ITIH1: variants seen among roughly 807,000 people sequenced by gnomAD.
ITIH1 encodes inter-alpha-trypsin inhibitor heavy chain H1.
A neutral mutation model predicts 104.6 loss-of-function variants in ITIH1; 94 were observed. The ratio of observed to expected loss-of-function variants is 0.90; its 90% confidence interval spans 0.76 to 1.07. The LOEUF (loss-of-function observed/expected upper bound fraction) is 1.07. Ranked by LOEUF, ITIH1 falls within the 50% of genes least tolerant of loss-of-function variation. The pLI is 0.00. For missense variants in ITIH1, 1,193 were observed against 1,181.4 expected (o/e 1.01, Z -0.14); for synonymous variants, 455 against 464.4 (o/e 0.98, Z 0.26).
In ITIH1 at chr3:52,779,523, C is replaced by G. The variant is rs1244561216; in HGVS notation, c.502C>G (p.Leu168Val). The G allele has an allele frequency of 6.2e-7, 1 of 1,614,208 alleles. No individual in the cohort carries two copies. The highest frequency in any genetic ancestry group is 1.1e-5 in the South Asian group (1 of 91,084). ...GTTTCAGCTGACTTATGAGGAAGTG[C>G]TGAAGAGAAACCATATGCAGTATGA... ...VTFQLTYEEV[L>V]KRNHMQYEIV... The change falls in exon 5 of 22, where the codon CTG becomes GTG. Residue 168 changes from leucine (L) to valine (V), a missense_variant. By Grantham distance (32) the Leu-to-Val change is conservative (BLOSUM62 1). Coordinates refer to ENST00000273283, the MANE Select transcript of ITIH1 (RefSeq NM_002215.4). This position sits in a 1 kb window ranked among gnomAD's most constrained non-coding sequence, Gnocchi z 4.4.
Position 52,789,670 on chromosome 3 carries a change from C to CAGCT in ITIH1, c.2138_2141dup (p.Ile715AlafsTer13). On this transcript the variant is annotated frameshift_variant, in exon 19 of 22. Coordinates refer to ENST00000273283, the MANE Select transcript of ITIH1 (RefSeq NM_002215.4). LOFTEE classifies it high-confidence loss of function. ...CATTGCAGGCTTCTCAGTGAATGGACAGCTCATTGGCAACAAGGCCAGGAG... is the reference window on the plus strand; with the variant it reads ...CATTGCAGGCTTCTCAGTGAATGGACAGCTAGCTCATTGGCAACAAGGCCAGGAG... 1 of 1,614,198 alleles carries CAGCT rather than the reference C, an allele frequency of 6.2e-7. No homozygotes were observed. The highest frequency in any genetic ancestry group is 2.2e-5 in the East Asian group (1 of 44,884).
Position 52,781,519 on chromosome 3 carries a change from A to G in ITIH1, c.688-421A>G, listed in dbSNP as rs1158510253. On this transcript the variant is annotated intron_variant, in intron 6 of 21. Coordinates refer to ENST00000273283, the MANE Select transcript of ITIH1 (RefSeq NM_002215.4). ...ACTAGCTTCCCCAAGCACATCACCA[A>G]CTCCAACCAGACCTCAGCTTCCATT... 7.3e-5 allele frequency among the ~76,000 whole-genome samples: 11 copies of G among 151,586 alleles called. No individual in the cohort carries two copies. The South Asian group carries it at 2.1e-3, about 29-fold the overall frequency.
intron 9 of ITIH1, 44 bp downstream of exon 9, chr3:52,783,169 C>T (rs967251927): frequency 1.7e-5 from 27 of 1,613,908 alleles, no homozygotes; most frequent in Non-Finnish European, 2.2e-5. Context: ...ACCTCTGTCC[C>T]CTCAGAATGA....
Position 52,783,323 on chromosome 3 carries a change from T to G in ITIH1, c.1209T>G (p.Asp403Glu). ...CCTCAATACTCATCATGTTGACAGA[T>G]GGCGATCCCACAGAGGGTAAGCACC... ...NHASILIMLTDGDPTEGVTDR... is the reference protein window; with the variant it reads ...NHASILIMLTEGDPTEGVTDR... Residue 403 changes from aspartate (D) to glutamate (E), a missense_variant, in exon 10 of 22, where the codon GAT becomes GAG. Transcript: ENST00000273283. 1.2e-6 allele frequency: 2 copies of G among 1,614,074 alleles called. No homozygotes were observed. Among genetic ancestry groups the G allele is most frequent in the Non-Finnish European group, 1.7e-6 (2 of 1,180,020 alleles).
At chr3:52,783,704 T>C (rs1041102145) in intron 10 of ITIH1, among the ~76,000 whole-genome samples, 1 of 152,094 alleles carries the variant, frequency 6.6e-6, no homozygotes. Context: ...GACATATTTC[T>C]GCCCTCAAAG....
chr3:52,778,535 C>A, intron 3 of ITIH1, 29 bp downstream of exon 3: 1 of 1,612,030 alleles, frequency 6.2e-7, no homozygotes, highest in Non-Finnish European at 8.5e-7. Context: ...CCCATGCCTT[C>A]TCCCAGGGGT....
In ITIH1 at chr3:52,786,815, C is replaced by T; in HGVS notation, c.1734-130C>T. ...AGGATGTAGCCACTGCATAGGACAC[C>T]ATGGGGGCTTAATACTTATGTGTCG... On this transcript the variant is annotated intron_variant, in intron 13 of 21. Coordinates refer to ENST00000273283, the MANE Select transcript of ITIH1 (RefSeq NM_002215.4). The T allele has an allele frequency of 1.2e-5, 13 of 1,090,624 alleles. No homozygotes were observed. The South Asian group carries it at 2.1e-4, about 18-fold the overall frequency. The allele number at this position is 1,090,624 out of a possible 1,614,324, so 67.6% of individuals were successfully genotyped here. A position where few individuals can be genotyped will look rare whatever the true frequency, so the allele number is the denominator to read the frequency against.
intron 2 of ITIH1, 127 bp from the exon 3 acceptor site, chr3:52,778,213 T>C (rs953755595): frequency 1.8e-6 from 2 of 1,138,108 alleles, no homozygotes; most frequent in African/African-American, 3.0e-5. Context: ...GGGGTCTTCC[T>C]GCGGTCTGTT....
At chr3:52,788,813 G>A (rs1173123251) in intron 18 of ITIH1, among the ~76,000 whole-genome samples, 2 of 152,088 alleles carry the variant, frequency 1.3e-5, no homozygotes, top group African/African-American at 2.4e-5. Context: ...CGTCCACCTC[G>A]GCCTCCCAAA....
chr3:52,791,682 C>A, intron 21 of ITIH1, 54 bp downstream of exon 21: 1 of 1,609,198 alleles, frequency 6.2e-7, no homozygotes, highest in Non-Finnish European at 8.5e-7. Context: ...GTAGTTCTTC[C>A]AGGTCTTCCT....
rs745345137 is a variant in ITIH1 at position 52,787,213 on chromosome 3, A to G, written c.1903+11A>G. ...ATTCTCCGCCTTTGGGTGAGTTTTA[A>G]ATTGCATTAGTTTCAGTTCTGGGCT... On this transcript the variant is annotated intron_variant, in intron 15 of 21. Transcript: ENST00000273283. 1.2e-6 allele frequency: 2 copies of G among 1,613,774 alleles called. No individual in the cohort carries two copies. Among genetic ancestry groups the G allele is most frequent in the Non-Finnish European group, 1.7e-6 (2 of 1,180,002 alleles).
chr3:52,787,048 G>C lies in ITIH1; in HGVS notation c.1837G>C (p.Gly613Arg). 1.2e-6 allele frequency: 2 copies of C among 1,614,162 alleles called. No homozygotes were observed. Among genetic ancestry groups the C allele is most frequent in the Non-Finnish European group, 1.7e-6 (2 of 1,180,022 alleles). Residue 613 changes from glycine (G) to arginine (R), a missense_variant, in exon 14 of 22, where the codon GGC becomes CGC. Coordinates refer to ENST00000273283, the MANE Select transcript of ITIH1 (RefSeq NM_002215.4). ...VTPLTSMSIR[G>R]MADQDGLKPT... ...CCCACTGACCTCCATGAGCATCAGG[G>C]GCATGGCGGACCAGGACGGCCTGAA...
At chr3:52,778,210 T>C (rs2154108084) in intron 2 of ITIH1, 130 bp from the exon 3 acceptor site, 1 of 1,124,098 alleles carries the variant, frequency 8.9e-7, no homozygotes, top group Non-Finnish European at 1.3e-6. Context: ...GCAGGGGTCT[T>C]CCTGCGGTCT....
At position 52,778,395 on chromosome 3, in the gene ITIH1, G is replaced by A. The variant is rs773235547; in HGVS notation, c.194G>A (p.Arg65His). The change falls in exon 3 of 22, where the codon CGC (arginine) becomes CAC (histidine). Residue 65 changes from arginine to histidine, a missense_variant. Coordinates refer to ENST00000273283, the MANE Select transcript of ITIH1 (RefSeq NM_002215.4). ...AAAGTCAACTGCAAAGTCACCTCTC[G>A]CTTCGCCCACTATGTTGTCACCAGC... The part of the protein sequence containing the change: ...SLKVNCKVTS[R>H]FAHYVVTSQV... The A allele has an allele frequency of 1.9e-5, 30 of 1,614,062 alleles. No individual in the cohort carries two copies. Among genetic ancestry groups the A allele is most frequent in the East Asian group, 4.5e-5 (2 of 44,898 alleles).
chr3:52,785,914 G>C (rs973393441), intron 12 of ITIH1, among the ~76,000 whole-genome samples: 8 of 152,252 alleles, frequency 5.3e-5, no homozygotes, highest in Non-Finnish European at 1.0e-4. Flanking sequence ...TGGTGCCCCG[G>C]TTAATGTAGC....
In ITIH1 at chr3:52,778,936, C is replaced by T. The variant is rs1447528419; in HGVS notation, c.306-6C>T. 3.7e-6 allele frequency: 6 copies of T among 1,602,894 alleles called. No homozygotes were observed. Among genetic ancestry groups the T allele is most frequent in the Non-Finnish European group, 4.3e-6 (5 of 1,169,898 alleles). On this transcript the variant is annotated splice_polypyrimidine_tract_variant and splice_region_variant and intron_variant, in intron 3 of 21. Transcript: ENST00000273283. ...CTTTCCTGAGGGTGTCCTTCCCTCC[C>T]TGCAGTACAGCAGATGGAAACGCAT...
In ITIH1 at chr3:52,790,841, G is replaced by A. The variant is rs1699335097; in HGVS notation, c.2414G>A (p.Gly805Glu). Residue 805 changes from glycine to glutamate, a missense_variant, in exon 20 of 22, where the codon GGG becomes GAG. Physicochemically the swap from Gly to Glu is moderately conservative, Grantham distance 98. Transcript: ENST00000273283. ...GTTGTTTTGCACCGAGTGTGGAAGG[G>A]GAGCTCGGTCCACCAGGACTTCCTG... ...FEVVLHRVWK[G>E]SSVHQDFLGF... 2.5e-6 allele frequency: 4 copies of A among 1,613,056 alleles called. No homozygotes were observed. Among genetic ancestry groups the A allele is most frequent in the Non-Finnish European group, 3.4e-6 (4 of 1,179,600 alleles).
Position 52,782,217 on chromosome 3 carries a change from GT to G in ITIH1, c.885del (p.Phe295LeufsTer2). 2.5e-6 allele frequency: 4 copies of G among 1,614,150 alleles called. No homozygotes were observed. The highest frequency in any genetic ancestry group is 1.3e-5 in the African/African-American group (1 of 75,040). Reference protein sequence around the residue: ...QNLTNMNKNVVFVIDISGSMR... With the variant: ...QNLTNMNKNVXFVIDISGSMR... ...CCTGACAAACATGAACAAGAACGTG[GT>G]TTTTGTGATTGACATCAGTGGCTCC... On this transcript the variant is annotated frameshift_variant, in exon 8 of 22. Coordinates refer to ENST00000273283, the MANE Select transcript of ITIH1 (RefSeq NM_002215.4). LOFTEE classifies it high-confidence loss of function.
At chr3:52,783,650 G>T (rs1050561049) in intron 10 of ITIH1, among the ~76,000 whole-genome samples, 1 of 152,112 alleles carries the variant, frequency 6.6e-6, no homozygotes, top group Non-Finnish European at 1.5e-5. Context: ...ATCACCTACT[G>T]TATGCTAAGC....
Sources: allele counts gnomAD v4.1 joint callset (sites outside exome capture counted in the v4.1 genomes callset), GRCh38; gene constraint gnomAD v4.1.1; non-coding constraint Gnocchi (gnomAD v3.1); transcripts MANE v1.5; gene names NCBI Gene and HGNC (gene_info 2026-07-23, HGNC 2026-07-21).